The following CHSY3 variants were observed in gnomAD, a reference collection of about 807,000 sequenced individuals.
CHSY3 encodes the protein chondroitin sulfate synthase 3.
CHSY3 carries 35 observed loss-of-function variants against 67.2 expected under a neutral mutation model. The observed-to-expected ratio is 0.52, with a 90% CI of 0.40 to 0.69. The LOEUF (loss-of-function observed/expected upper bound fraction) is 0.69, where lower values mean the gene tolerates loss of function less well. Among genes scored for constraint, CHSY3 ranks in the 30% least tolerant of loss-of-function variants. The pLI is 0.00. For synonymous variants in CHSY3, 474 were observed against 434.7 expected (o/e 1.09, Z -1.12); for missense variants, 1,069 against 1,138.5 (o/e 0.94, Z 0.88).
At chr5:130,125,918 C>T (rs568026792) in intron 2 of CHSY3, among the ~76,000 whole-genome samples, 1 of 152,274 alleles carries the variant, frequency 6.6e-6, no homozygotes, top group South Asian at 2.1e-4. Flanking sequence ...AAAATGGTCA[C>T]AGTTCATTAG....
At chr5:130,043,618 A>G (rs900350476) in intron 2 of CHSY3, among the ~76,000 whole-genome samples, 2 of 152,168 alleles carry the variant, frequency 1.3e-5, no homozygotes, top group African/African-American at 4.8e-5. Context: ...TAGGACATTG[A>G]CGATACAATT....
At chr5:129,975,359 T>G (rs1052058752) in intron 2 of CHSY3, among the ~76,000 whole-genome samples, 3 of 152,170 alleles carry the variant, frequency 2.0e-5, no homozygotes, top group Non-Finnish European at 2.9e-5. Flanking sequence ...ACTTTATAAT[T>G]TATGACATTA....
intron 2 of CHSY3, chr5:130,140,711 G>T (rs896099130): frequency 3.4e-6 from 1 of 292,528 alleles, no homozygotes; most frequent in Non-Finnish European, 6.3e-6. Context: ...GGGTTGAGAA[G>T]ACTTTGATAA....
At chr5:129,955,354 A>G (rs1762141188) in intron 2 of CHSY3, among the ~76,000 whole-genome samples, 1 of 151,978 alleles carries the variant, frequency 6.6e-6, no homozygotes, top group African/African-American at 2.4e-5. Flanking sequence ...AACTCTCACC[A>G]AGTGATCTGC....
chr5:129,913,239 A>G (rs1234885827), intron 2 of CHSY3, among the ~76,000 whole-genome samples: 3 of 152,146 alleles, frequency 2.0e-5, no homozygotes, highest in African/African-American at 7.2e-5. Flanking sequence ...CTCTTCTTTC[A>G]CGTTTATTTT....
At chr5:130,103,484 A>G (rs192023415) in intron 2 of CHSY3, among the ~76,000 whole-genome samples, 44 of 152,060 alleles carry the variant, frequency 2.9e-4, no homozygotes, top group South Asian at 1.2e-3. Flanking sequence ...TATTATTGTT[A>G]TAATTATCTT....
chr5:130,142,737 A>C (rs766307314), intron 2 of CHSY3, among the ~76,000 whole-genome samples: 3 of 152,078 alleles, frequency 2.0e-5, no homozygotes, highest in Non-Finnish European at 4.4e-5. Context: ...TCAAGTCCCA[A>C]ATTTCCACTT....
chr5:129,918,068 G>A (rs868032273), intron 2 of CHSY3, among the ~76,000 whole-genome samples: 1 of 152,112 alleles, frequency 6.6e-6, no homozygotes, highest in Non-Finnish European at 1.5e-5. Context: ...CTGCATTTCT[G>A]TTCTTGTCTG....
intron 2 of CHSY3, among the ~76,000 whole-genome samples, chr5:130,006,557 A>G (rs757940827): frequency 1.3e-4 from 20 of 152,230 alleles, no homozygotes; most frequent in Non-Finnish European, 2.6e-4. Flanking sequence ...TATATAAACT[A>G]TTAATAAAAT....
At chr5:129,922,352 C>T (rs1472634348) in intron 2 of CHSY3, among the ~76,000 whole-genome samples, 3 of 152,190 alleles carry the variant, frequency 2.0e-5, no homozygotes, top group African/African-American at 7.2e-5. Flanking sequence ...ATATATACCC[C>T]AAAGTGAAAA....
rs34124435 is a variant in CHSY3, at chr5:129,950,166, C to CAA, written c.1086+41822_1086+41823dup. 2.5e-3 allele frequency among the ~76,000 whole-genome samples: 346 copies of CAA among 138,964 alleles called. 4 individuals carry two copies. The highest frequency in any genetic ancestry group is 8.0e-3 in the African/African-American group (300 of 37,314). The allele number at this position is 138,964 out of a possible 152,430, so 91.2% of individuals were successfully genotyped here. ...CTGGTGACAGAACAAGACTCCATCT[C>CAA]AAAAAAAAAAAAAAAAATCATATGA... On this transcript the variant is annotated intron_variant, in intron 2 of 2. Transcript: ENST00000305031.
At chr5:130,008,822 G>T (rs185941185) in intron 2 of CHSY3, among the ~76,000 whole-genome samples, 1 of 152,142 alleles carries the variant, frequency 6.6e-6, no homozygotes, top group Non-Finnish European at 1.5e-5. Flanking sequence ...TTCTATATTC[G>T]AAGTATTCAC....
chr5:130,162,432 G>A (rs30261), intron 2 of CHSY3, among the ~76,000 whole-genome samples: 83,394 of 152,240 alleles, frequency 0.55, 25,071 homozygotes, highest in African/African-American at 0.78. Flanking sequence ...AAAGCTGGTC[G>A]ATGGACTCTC....
intron 2 of CHSY3, among the ~76,000 whole-genome samples, chr5:129,944,900 GACAA>G (rs1761806287): frequency 6.6e-6 from 1 of 152,198 alleles, no homozygotes; most frequent in African/African-American, 2.4e-5. Flanking sequence ...TAGTAGCTTA[GACAA>G]ACAAAAAATA....
At chr5:129,986,321 A>G (rs1343604463) in intron 2 of CHSY3, among the ~76,000 whole-genome samples, 1 of 152,166 alleles carries the variant, frequency 6.6e-6, no homozygotes, top group Non-Finnish European at 1.5e-5. Context: ...TGTGTGATGA[A>G]TCACAACTAT....
chr5:129,960,943 C>T lies in CHSY3; in HGVS notation c.1086+52583C>T, dbSNP rs558468976. Among the ~76,000 whole-genome samples, 15 of 152,120 alleles carry T rather than the reference C, an allele frequency of 9.9e-5. No homozygotes were observed. In the South Asian group the frequency reaches 1.9e-3, roughly 19 times the overall value. On this transcript the variant is annotated intron_variant, in intron 2 of 2. Coordinates refer to ENST00000305031, the MANE Select transcript of CHSY3 (RefSeq NM_175856.5). ...TTATTTTCCAAGTTACTCTGAAAGC[C>T]GTGTCCACCAGTGGATATGATCAAA...
chr5:129,922,990 C>T (rs564940094), intron 2 of CHSY3, among the ~76,000 whole-genome samples: 6 of 152,240 alleles, frequency 3.9e-5, no homozygotes, highest in East Asian at 1.9e-4. Context: ...AGGTGAGCAC[C>T]GTGATCAGAT....
In CHSY3 at chr5:130,184,600, C is replaced by A. The variant is rs374972484; in HGVS notation, c.1458C>A (p.Ser486Arg). ...CTGAGAACCAGCCCCCTCGACAGAG[C>A]CTCAGTAGCATTTTAAGAACAGCAC... ...SAAENQPPRQ[S>R]LSSILRTALD... Residue 486 changes from serine to arginine, a missense_variant, in exon 3 of 3, where the codon AGC (serine) becomes AGA (arginine). By Grantham distance (110) the Ser-to-Arg change is moderately radical (BLOSUM62 -1). Around this residue, in one of 5 missense-constraint regions of CHSY3, gnomAD observed 401 missense variants for 395.2 expected, o/e 1.01. Transcript: ENST00000305031. The A allele has an allele frequency of 5.0e-6, 8 of 1,611,192 alleles. No individual in the cohort carries two copies. In the South Asian group the frequency reaches 5.5e-5, roughly 11 times the overall value.
At chr5:130,151,376 G>C (rs1769227200) in intron 2 of CHSY3, among the ~76,000 whole-genome samples, 1 of 152,198 alleles carries the variant, frequency 6.6e-6, no homozygotes, top group African/African-American at 2.4e-5. Flanking sequence ...GTGTGGGATA[G>C]AAGATCCAAT....
Sources: allele counts gnomAD v4.1 joint callset (sites outside exome capture counted in the v4.1 genomes callset), GRCh38; gene constraint gnomAD v4.1.1; regional missense constraint gnomAD v4.1.1; transcripts MANE v1.5; gene names NCBI Gene and HGNC (gene_info 2026-07-23, HGNC 2026-07-21).